Variants in IMMP1L observed in about 807,000 individuals in gnomAD.
IMMP1L encodes the protein inner mitochondrial membrane peptidase subunit 1.
IMMP1L carries 24 observed loss-of-function variants against 21.8 expected under a neutral mutation model. The ratio of observed to expected loss-of-function variants is 1.10; its 90% CI spans 0.80 to 1.55. IMMP1L has a LOEUF of 1.55. Ranked by LOEUF, IMMP1L falls within the 40% of genes most tolerant of loss-of-function variation. The probability of loss-of-function intolerance (pLI) is 0.00; values close to 1 mark genes in which losing one functional copy is unlikely to be tolerated. For synonymous variants in IMMP1L, 46 were observed against 62.8 expected (o/e 0.73, Z 1.26); for missense variants, 195 against 200.7 (o/e 0.97, Z 0.17).
chr11:31,434,618 A>T (rs1043700472), intron 4 of IMMP1L, among the ~76,000 whole-genome samples: 4 of 152,102 alleles, frequency 2.6e-5, no homozygotes, highest in African/African-American at 9.7e-5. Context: ...TTAATCACAA[A>T]TTACTTTCTT....
chr11:31,441,490 G>C (rs1953327914), intron 4 of IMMP1L, among the ~76,000 whole-genome samples: 3 of 151,976 alleles, frequency 2.0e-5, no homozygotes, highest in African/African-American at 7.2e-5. Flanking sequence ...CTCTAGCCAA[G>C]AACACATTTA....
At chr11:31,480,767 C>T (rs946383508) in intron 1 of IMMP1L, among the ~76,000 whole-genome samples, 1 of 151,946 alleles carries the variant, frequency 6.6e-6, no homozygotes, top group Non-Finnish European at 1.5e-5. Context: ...TACACACACA[C>T]AAAAGCAAAA....
At chr11:31,446,807 A>C (rs1953538727) in intron 4 of IMMP1L, among the ~76,000 whole-genome samples, 1 of 152,182 alleles carries the variant, frequency 6.6e-6, no homozygotes, top group African/African-American at 2.4e-5. Context: ...TTATCAAAGC[A>C]CCTGTGCCTA....
intron 1 of IMMP1L, among the ~76,000 whole-genome samples, chr11:31,478,497 G>C (rs1460816366): frequency 6.6e-6 from 1 of 152,002 alleles, no homozygotes; most frequent in South Asian, 2.1e-4. Context: ...ATCAATGGAC[G>C]GATTTATCAT....
At chr11:31,482,304 G>C (rs1007953802) in intron 1 of IMMP1L, among the ~76,000 whole-genome samples, 2 of 151,990 alleles carry the variant, frequency 1.3e-5, no homozygotes, top group East Asian at 1.9e-4. Flanking sequence ...TCTTGAAGTA[G>C]ATAAATATTT....
intron 5 of IMMP1L, 54 bp from the exon 6 acceptor site, chr11:31,432,622 C>T: frequency 8.8e-7 from 1 of 1,139,864 alleles, no homozygotes; most frequent in Non-Finnish European, 1.3e-6. Flanking sequence ...GTTATAGTAT[C>T]ATCATATTCC....
At chr11:31,451,163 G>A (rs1362217249) in intron 4 of IMMP1L, among the ~76,000 whole-genome samples, 1 of 152,122 alleles carries the variant, frequency 6.6e-6, no homozygotes, top group East Asian at 1.9e-4. Context: ...GCAGGGTCTT[G>A]CAGGCCACCA....
intron 1 of IMMP1L, among the ~76,000 whole-genome samples, chr11:31,473,058 T>TG (rs1954617919): frequency 6.9e-6 from 1 of 145,374 alleles, no homozygotes; most frequent in African/African-American, 2.6e-5. Context: ...TTGTTGTTGT[T>TG]TGTTTTTTTG....
At chr11:31,433,620 G>A (rs747869422) in intron 4 of IMMP1L, 50 bp from the exon 5 acceptor site, 2 of 1,145,724 alleles carry the variant, frequency 1.7e-6, no homozygotes, top group Non-Finnish European at 1.3e-6. Context: ...CCTAATTTGG[G>A]TACTATAATT....
At chr11:31,476,220 A>T (rs1240628335) in intron 1 of IMMP1L, among the ~76,000 whole-genome samples, 2 of 152,108 alleles carry the variant, frequency 1.3e-5, no homozygotes, top group African/African-American at 4.8e-5. Flanking sequence ...CAAACAGCAA[A>T]CATACAAATA....
intron 1 of IMMP1L, among the ~76,000 whole-genome samples, chr11:31,469,987 A>G (rs1486015019): frequency 6.6e-6 from 1 of 152,224 alleles, no homozygotes; most frequent in Non-Finnish European, 1.5e-5. Context: ...TGATGAAAAT[A>G]TACCTCAAAA....
chr11:31,437,456 T>C (rs72889925), intron 4 of IMMP1L, among the ~76,000 whole-genome samples: 16 of 152,320 alleles, frequency 1.1e-4, no homozygotes, highest in Admixed American at 1.3e-4. Flanking sequence ...GGATTTCGCA[T>C]ATTCAGATTA....
At chr11:31,456,936 C>T (rs1953964434) in intron 3 of IMMP1L, among the ~76,000 whole-genome samples, 1 of 41,028 alleles carries the variant, frequency 2.4e-5, no homozygotes, top group African/African-American at 9.5e-5. Flanking sequence ...CCAAGAAAAA[C>T]CCCAAGTGAA....
chr11:31,468,589 A>G (rs1954441445), intron 1 of IMMP1L, among the ~76,000 whole-genome samples: 1 of 152,162 alleles, frequency 6.6e-6, no homozygotes, highest in Non-Finnish European at 1.5e-5. Context: ...TCATTCAACA[A>G]ATATTTACTG....
intron 1 of IMMP1L, among the ~76,000 whole-genome samples, chr11:31,492,499 T>C (rs1002272752): frequency 2.0e-5 from 3 of 152,210 alleles, no homozygotes; most frequent in Admixed American, 2.0e-4. Context: ...ACTTTTCCCA[T>C]TGCATTCACA....
chr11:31,470,218 A>G (rs1954495655), intron 1 of IMMP1L, among the ~76,000 whole-genome samples: 1 of 152,202 alleles, frequency 6.6e-6, no homozygotes, highest in Non-Finnish European at 1.5e-5. Context: ...GTTCGAGAGC[A>G]GCCTAACCAA....
rs60812673 is a variant in IMMP1L at position 31,469,366 on chromosome 11, G to T, written c.-29-6061C>A. On this transcript the variant is annotated intron_variant, in intron 1 of 5. Transcript: ENST00000532287. ...ACTATGATTAACATTAAAAAAAACA[G>T]AAGGAAAGACAAAAGTTCAGCAGTG... 7.9e-3 allele frequency among the ~76,000 whole-genome samples: 1,194 copies of T among 151,778 alleles called. 15 individuals carry two copies. Among genetic ancestry groups the T allele is most frequent in the African/African-American group, 0.027 (1,119 of 41,396 alleles).
At chr11:31,489,182 T>C (rs1183674922) in intron 1 of IMMP1L, among the ~76,000 whole-genome samples, 1 of 151,994 alleles carries the variant, frequency 6.6e-6, no homozygotes, top group Non-Finnish European at 1.5e-5. Context: ...CAGGCATGAG[T>C]CACCGCACCC....
At chr11:31,450,413 AC>A (rs11322892) in intron 4 of IMMP1L, among the ~76,000 whole-genome samples, 54,816 of 151,986 alleles carry the variant, frequency 0.36, 12,097 homozygotes, top group African/African-American at 0.62. Context: ...CTTAATCTTA[AC>A]TAAGTTCAGT....
Sources: allele counts gnomAD v4.1 joint callset (sites outside exome capture counted in the v4.1 genomes callset), GRCh38; gene constraint gnomAD v4.1.1; transcripts MANE v1.5; gene names NCBI Gene and HGNC (gene_info 2026-07-23, HGNC 2026-07-21).